NRXN3: variants seen among roughly 807,000 people sequenced by gnomAD.
NRXN3 encodes the protein neurexin III.
In NRXN3, 32 loss-of-function variants were observed where a neutral mutation model predicts 137.6. That is an observed-to-expected ratio of 0.23 (90% CI 0.18 to 0.31). The LOEUF is 0.31. Ranked by LOEUF, NRXN3 falls within the 10% of genes least tolerant of loss-of-function variation. The pLI, the probability that NRXN3 is intolerant of heterozygous loss-of-function variation, is 1.00. For missense variants in NRXN3, 1,574 were observed against 2,062.5 expected, an observed-to-expected ratio of 0.76 and a Z score of 4.59; for synonymous variants, 798 against 784.5, an observed-to-expected ratio of 1.02 and a Z score of -0.29.
chr14:78,885,731 A>T (rs772719902), intron 10 of NRXN3, among the ~76,000 whole-genome samples: 1 of 152,108 alleles, frequency 6.6e-6, no homozygotes, highest in African/African-American at 2.4e-5. Context: ...TGAACAGAAG[A>T]TATATCTTAG....
intron 17 of NRXN3, among the ~76,000 whole-genome samples, chr14:79,691,553 A>G (rs911285430): frequency 1.3e-5 from 2 of 152,074 alleles, no homozygotes; most frequent in Admixed American, 1.3e-4. Flanking sequence ...ATAAAAGCTT[A>G]TCTGTACTGA....
At chr14:78,649,272 C>T in intron 5 of NRXN3, 1 of 1,344,870 alleles carries the variant, frequency 7.4e-7, no homozygotes, top group South Asian at 1.2e-5. Context: ...GCAAAGCACT[C>T]AGGCATCGGA....
At chr14:78,728,628 T>G (rs969588785) in intron 8 of NRXN3, among the ~76,000 whole-genome samples, 4 of 152,154 alleles carry the variant, frequency 2.6e-5, no homozygotes, top group Non-Finnish European at 5.9e-5. Context: ...AGGTGCACAG[T>G]GGCTCATGCC....
chr14:78,510,448 C>T (rs562370367), intron 4 of NRXN3, among the ~76,000 whole-genome samples: 20 of 152,158 alleles, frequency 1.3e-4, no homozygotes, highest in Middle Eastern at 3.4e-3. Flanking sequence ...TATTGATTCT[C>T]GGATGTTTTC....
intron 10 of NRXN3, among the ~76,000 whole-genome samples, chr14:78,939,948 G>A (rs31448): frequency 0.27 from 41,615 of 152,078 alleles, 8,472 homozygotes; most frequent in African/African-American, 0.56. Flanking sequence ...TGCTTGCTAT[G>A]ACAAAATCGA....
intron 6 of NRXN3, among the ~76,000 whole-genome samples, chr14:78,687,198 A>G (rs1384969135): frequency 6.6e-6 from 1 of 152,210 alleles, no homozygotes; most frequent in Admixed American, 6.5e-5. Context: ...CCTTTAAGCC[A>G]TGGTAAGAAG....
intron 16 of NRXN3, among the ~76,000 whole-genome samples, chr14:79,483,751 C>G (rs1014951262): frequency 9.2e-5 from 14 of 152,098 alleles, no homozygotes; most frequent in African/African-American, 2.4e-4. Flanking sequence ...CAGTTCATTT[C>G]ACACAGTGGG....
chr14:78,803,103 C>T (rs969567813), intron 8 of NRXN3, among the ~76,000 whole-genome samples: 7 of 152,124 alleles, frequency 4.6e-5, no homozygotes, highest in Non-Finnish European at 8.8e-5. Flanking sequence ...TGGCTGGACA[C>T]TGGGGATGTT....
At chr14:79,023,327 G>T (rs955255161) in intron 15 of NRXN3, among the ~76,000 whole-genome samples, 1 of 151,928 alleles carries the variant, frequency 6.6e-6, no homozygotes, top group Non-Finnish European at 1.5e-5. Context: ...AACAGACCAA[G>T]CTCCAAGCTT....
chr14:79,107,101 T>G (rs186235430), intron 15 of NRXN3, among the ~76,000 whole-genome samples: 1 of 152,298 alleles, frequency 6.6e-6, no homozygotes, highest in Admixed American at 6.5e-5. Context: ...GCTCTATGTA[T>G]CATGACTGAC....
intron 15 of NRXN3, among the ~76,000 whole-genome samples, chr14:79,125,458 G>A (rs2056235186): frequency 6.6e-6 from 1 of 152,180 alleles, no homozygotes; most frequent in African/African-American, 2.4e-5. Context: ...ATGGGAAATA[G>A]GCCATCTTGT....
At chr14:78,767,612 C>T (rs1390780801) in intron 8 of NRXN3, among the ~76,000 whole-genome samples, 2 of 152,196 alleles carry the variant, frequency 1.3e-5, no homozygotes, top group Non-Finnish European at 2.9e-5. Context: ...CCAAAGAAGT[C>T]AGAGTTGTGA....
chr14:79,713,083 G>A (rs199843519), intron 19 of NRXN3, among the ~76,000 whole-genome samples: 5 of 150,726 alleles, frequency 3.3e-5, no homozygotes, highest in East Asian at 2.0e-4. Context: ...AAAAGCATCC[G>A]TCCAATGTTT....
intron 4 of NRXN3, among the ~76,000 whole-genome samples, chr14:78,350,430 A>AGGGCACCCCC (rs945236974): frequency 6.6e-6 from 1 of 151,932 alleles, no homozygotes; most frequent in African/African-American, 2.4e-5. Flanking sequence ...AGGGCACCCC[A>AGGGCACCCCC]ACAAAAGCAT....
intron 15 of NRXN3, among the ~76,000 whole-genome samples, chr14:79,170,931 T>C (rs559209010): frequency 6.6e-6 from 1 of 152,234 alleles, no homozygotes; most frequent in African/African-American, 2.4e-5. Context: ...AGGACAGGAC[T>C]GTCACGTCTC....
intron 2 of NRXN3, among the ~76,000 whole-genome samples, chr14:78,253,751 AT>A (rs1254162450): frequency 6.6e-6 from 1 of 152,130 alleles, no homozygotes; most frequent in Non-Finnish European, 1.5e-5. Context: ...CTAAGTACTC[AT>A]TTCTCATCCT....
At chr14:79,217,832 T>C (rs2068815628) in intron 15 of NRXN3, among the ~76,000 whole-genome samples, 1 of 152,246 alleles carries the variant, frequency 6.6e-6, no homozygotes, top group South Asian at 2.1e-4. Flanking sequence ...GAACCATTGC[T>C]TTAAACAGTT....
chr14:79,362,980 ACC>A, intron 15 of NRXN3, among the ~76,000 whole-genome samples: 1 of 151,532 alleles, frequency 6.6e-6, no homozygotes, highest in African/African-American at 2.4e-5. Context: ...ATGGTGAGTG[ACC>A]ATTTAGAAAT....
At chr14:78,800,809 T>C (rs2098836538) in intron 8 of NRXN3, among the ~76,000 whole-genome samples, 1 of 152,334 alleles carries the variant, frequency 6.6e-6, no homozygotes, top group Non-Finnish European at 1.5e-5. Flanking sequence ...ACGGGTGTTT[T>C]TCTCTTTTGT....
Sources: allele counts gnomAD v4.1 joint callset (sites outside exome capture counted in the v4.1 genomes callset), GRCh38; gene constraint gnomAD v4.1.1; transcripts MANE v1.5; gene names NCBI Gene and HGNC (gene_info 2026-07-23, HGNC 2026-07-21).